The following ZDHHC11B variants were observed in gnomAD, a reference collection of about 807,000 sequenced individuals.
The protein encoded by ZDHHC11B is zDHHC palmitoyltransferase 11B (putative).
In ZDHHC11B, 17 loss-of-function variants were observed where a neutral mutation model predicts 42.3. The observed-to-expected ratio is 0.40, with a 90% CI of 0.27 to 0.60. The LOEUF is 0.60. ZDHHC11B is among the 20% of genes least tolerant of loss of function. The pLI is 0.41. For synonymous variants in ZDHHC11B, 123 were observed against 193.5 expected (o/e 0.64, Z 3.02); for missense variants, 262 against 463.2 (o/e 0.57, Z 3.99).
chr5:779,171 AC>A (rs1257178590), intron 1 of ZDHHC11B, among the ~76,000 whole-genome samples: 1 of 151,558 alleles, frequency 6.6e-6, no homozygotes, highest in African/African-American at 2.4e-5. Flanking sequence ...ATGCAGCCAC[AC>A]GCCCAGGACA....
chr5:743,476 T>A lies in ZDHHC11B; in HGVS notation c.900+1707A>T, dbSNP rs1217765749. On this transcript the variant is annotated intron_variant, in intron 9 of 13. Coordinates refer to ENST00000508859, the MANE Select transcript of ZDHHC11B (RefSeq NM_001351303.2). ...GCCTGCTGGGGTTCAGCAGGGATTG[T>A]GGTAAATCTGTAGATAAGTTTTGGG... Among the ~76,000 whole-genome samples the A allele has an allele frequency of 2.7e-5, 4 of 148,310 alleles. No individual in the cohort carries two copies. The East Asian group carries it at 8.4e-4, about 31-fold the overall frequency.
intron 9 of ZDHHC11B, among the ~76,000 whole-genome samples, chr5:743,919 A>G (rs1019001140): frequency 6.7e-6 from 1 of 149,918 alleles, no homozygotes; most frequent in African/African-American, 2.4e-5. Context: ...AAGTGGTGTC[A>G]TCACCTGTGC....
At chr5:779,204 A>C (rs1471120723) in intron 1 of ZDHHC11B, among the ~76,000 whole-genome samples, 1 of 151,608 alleles carries the variant, frequency 6.6e-6, no homozygotes, top group East Asian at 1.9e-4. Flanking sequence ...CAGAAGCTAG[A>C]AGAGGCAGGG....
intron 4 of ZDHHC11B, 117 bp from the exon 5 acceptor site, chr5:756,261 C>T (rs1282609625): frequency 4.1e-6 from 6 of 1,448,930 alleles, no homozygotes; most frequent in African/African-American, 3.3e-5. Context: ...TCACCCAGCC[C>T]TGCACACGTG....
At chr5:753,110 C>G (rs57656793) in intron 6 of ZDHHC11B, among the ~76,000 whole-genome samples, 77,915 of 121,512 alleles carry the variant, frequency 0.64, 27,994 homozygotes, top group Middle Eastern at 0.77. Flanking sequence ...AGGACACCAG[C>G]GCCGCCTGCC....
At chr5:778,256 G>C (rs2150246923) in intron 1 of ZDHHC11B, among the ~76,000 whole-genome samples, 1 of 151,878 alleles carries the variant, frequency 6.6e-6, no homozygotes, top group Middle Eastern at 3.4e-3. Context: ...AAAGGGAATA[G>C]AGATCCCGGC....
intron 7 of ZDHHC11B, among the ~76,000 whole-genome samples, chr5:750,814 G>C (rs1228400833): frequency 6.2e-5 from 8 of 129,594 alleles, no homozygotes; most frequent in African/African-American, 2.0e-4. Flanking sequence ...CCACAGGATG[G>C]TGTGACAGGT....
At chr5:725,801 G>T (rs1182211436) in intron 12 of ZDHHC11B, among the ~76,000 whole-genome samples, 2 of 152,232 alleles carry the variant, frequency 1.3e-5, no homozygotes, top group Non-Finnish European at 2.9e-5. Flanking sequence ...CTTGTCAGCA[G>T]ATCCCAGGAA....
intron 1 of ZDHHC11B, among the ~76,000 whole-genome samples, chr5:778,444 G>A (rs1355551661): frequency 6.6e-6 from 1 of 150,658 alleles, no homozygotes; most frequent in African/African-American, 2.4e-5. Context: ...AAACAGCCGA[G>A]GCTCTCAAGG....
intron 2 of ZDHHC11B, 81 bp from the exon 3 acceptor site, chr5:767,605 G>A (rs1014982612): frequency 2.1e-5 from 24 of 1,124,018 alleles, no homozygotes; most frequent in Middle Eastern, 6.0e-4. Flanking sequence ...CTTCTCCAGG[G>A]GCTGAGGGAC....
intron 1 of ZDHHC11B, among the ~76,000 whole-genome samples, chr5:770,174 G>T (rs1297819193): frequency 6.6e-6 from 1 of 150,530 alleles, no homozygotes; most frequent in African/African-American, 2.4e-5. Context: ...GCTGAGCCGG[G>T]TGCAGCCCAG....
At chr5:723,995 GACAGCCCTATGGTAGCTGC>G (rs1742377253) in intron 12 of ZDHHC11B, among the ~76,000 whole-genome samples, 1 of 139,906 alleles carries the variant, frequency 7.1e-6, no homozygotes, top group African/African-American at 2.7e-5. Flanking sequence ...GGTGCAGAGA[GACAGCCCTATGGTAGCTGC>G]ATCTGCCCTC....
rs369719477 is a variant in ZDHHC11B at position 711,164 on chromosome 5, C to T, written c.*1126G>A. The T allele has an allele frequency of 5.5e-3, 844 of 153,788 alleles. 2 individuals are homozygous for T. Among genetic ancestry groups the T allele is most frequent in the African/African-American group, 0.019 (756 of 40,458 alleles). 9.5% of individuals were successfully genotyped at this position (153,788 alleles called of 1,614,324 possible). On this transcript the variant is annotated 3_prime_UTR_variant, in exon 14 of 14. Coordinates refer to ENST00000508859, the MANE Select transcript of ZDHHC11B (RefSeq NM_001351303.2). ...GCTCCCCTTTCCCAGTACTGTGCTC[C>T]GCTTTCCCAGTACTATGCTCCCATT...
intron 1 of ZDHHC11B, among the ~76,000 whole-genome samples, chr5:776,243 C>T (rs1334681615): frequency 4.6e-5 from 7 of 151,932 alleles, no homozygotes; most frequent in African/African-American, 1.2e-4. Context: ...CTGCAGGTGG[C>T]AAAGCTCCTG....
intron 2 of ZDHHC11B, 141 bp downstream of exon 2, chr5:768,694 A>AG: frequency 4.6e-6 from 1 of 218,882 alleles, no homozygotes. Flanking sequence ...AACTGATCTC[A>AG]ATCTTACCCA....
rs1430830259 is a variant in ZDHHC11B, at chr5:720,931, A to C, written c.1059-4066T>G. On this transcript the variant is annotated intron_variant, in intron 12 of 13. Transcript: ENST00000508859. ...TCAAGTCCAGCCTGGCAACATACTGAAACCCTATTTCCACAAAAAATAATT... is the reference window on the plus strand; with the variant it reads ...TCAAGTCCAGCCTGGCAACATACTGCAACCCTATTTCCACAAAAAATAATT... Among the ~76,000 whole-genome samples the C allele has an allele frequency of 5.3e-5, 8 of 151,560 alleles. 1 individual carries two copies. Among genetic ancestry groups the C allele is most frequent in the Admixed American group, 5.3e-4 (8 of 15,178 alleles).
At chr5:729,218 C>T (rs1243596742) in intron 12 of ZDHHC11B, among the ~76,000 whole-genome samples, 1 of 151,052 alleles carries the variant, frequency 6.6e-6, no homozygotes, top group Non-Finnish European at 1.5e-5. Flanking sequence ...AGCAGCCTCC[C>T]TCACACACCC....
At chr5:777,781 C>CCCCG (rs1366922924) in intron 1 of ZDHHC11B, among the ~76,000 whole-genome samples, 28 of 151,958 alleles carry the variant, frequency 1.8e-4, no homozygotes, top group Admixed American at 6.6e-4. Flanking sequence ...GGATCCTGAG[C>CCCCG]CCCGCAGCAG....
At chr5:775,843 G>C (rs1736429499) in intron 1 of ZDHHC11B, among the ~76,000 whole-genome samples, 1 of 151,128 alleles carries the variant, frequency 6.6e-6, no homozygotes, top group Admixed American at 6.6e-5. Context: ...ACGCTGTGTT[G>C]CAAGCTGACT....
Sources: gnomAD v4.1 joint callset for allele counts (sites outside exome capture counted in the v4.1 genomes callset) on GRCh38, gnomAD v4.1.1 for gene constraint, MANE v1.5 for transcripts, NCBI Gene and HGNC (gene_info 2026-07-23, HGNC 2026-07-21) for gene names.